INPP4B: variants seen among roughly 807,000 people sequenced by gnomAD.
The protein encoded by INPP4B is inositol polyphosphate-4-phosphatase type II B.
Under a neutral mutation model 122.5 loss-of-function variants are expected in INPP4B, and 55 were observed. That is an observed-to-expected ratio of 0.45 (90% CI 0.36 to 0.56). INPP4B has a LOEUF of 0.56. Among genes scored for constraint, INPP4B ranks in the 20% least tolerant of loss-of-function variants. The pLI is 0.00. For synonymous variants in INPP4B, 403 were observed against 388.7 expected, an observed-to-expected ratio of 1.04 and a Z score of -0.43; for missense variants, 1,000 against 1,097.7, an observed-to-expected ratio of 0.91 and a Z score of 1.26.
intron 11 of INPP4B, among the ~76,000 whole-genome samples, chr4:142,245,225 C>T (rs982282268): frequency 6.6e-6 from 1 of 152,144 alleles, no homozygotes; most frequent in African/African-American, 2.4e-5. Context: ...TTAATTAGAT[C>T]CCATTTGTCA....
chr4:142,063,847 C>G lies in INPP4B; in HGVS notation c.2642+18184G>C, dbSNP rs185456025. ...TTATGAAAAAACTAAATAAAGCATA[C>G]TGCAAAGAAATGTGACTTTCTTTTA... On this transcript the variant is annotated intron_variant, in intron 25 of 25. Transcript: ENST00000262992. Among the ~76,000 whole-genome samples the G allele has an allele frequency of 1.1e-4, 17 of 152,232 alleles. No homozygotes were observed. The East Asian group carries it at 2.7e-3, about 24-fold the overall frequency.
intron 7 of INPP4B, among the ~76,000 whole-genome samples, chr4:142,336,021 A>C (rs965294917): frequency 6.6e-6 from 1 of 152,208 alleles, no homozygotes; most frequent in Non-Finnish European, 1.5e-5. Flanking sequence ...TGGACCAATC[A>C]GCATGCATTC....
At chr4:142,090,376 C>G (rs1298769419) in intron 23 of INPP4B, among the ~76,000 whole-genome samples, 1 of 142,136 alleles carries the variant, frequency 7.0e-6, no homozygotes, top group Non-Finnish European at 1.5e-5. Flanking sequence ...CTCTATCAAC[C>G]CAATACTTGG....
At chr4:142,476,128 G>A (rs1819741947) in intron 2 of INPP4B, among the ~76,000 whole-genome samples, 1 of 152,228 alleles carries the variant, frequency 6.6e-6, no homozygotes, top group Non-Finnish European at 1.5e-5. Context: ...AACTCCATTA[G>A]GATAACAGCA....
At chr4:142,766,037 T>G (rs1772070978) in intron 1 of INPP4B, 1 of 152,126 alleles carries the variant, frequency 6.6e-6, no homozygotes, top group Admixed American at 6.6e-5. Flanking sequence ...TCAATATAAC[T>G]TATAGAACAG....
At chr4:142,632,011 C>T (rs936978521) in intron 2 of INPP4B, among the ~76,000 whole-genome samples, 5 of 152,086 alleles carry the variant, frequency 3.3e-5, no homozygotes, top group African/African-American at 4.8e-5. Context: ...TATATGTGCT[C>T]CAGCAAGACA....
intron 12 of INPP4B, among the ~76,000 whole-genome samples, chr4:142,215,142 C>A (rs1254755605): frequency 6.6e-6 from 1 of 152,088 alleles, no homozygotes; most frequent in Admixed American, 6.6e-5. Context: ...AGAGAATAAC[C>A]TGAAACCTCT....
intron 2 of INPP4B, among the ~76,000 whole-genome samples, chr4:142,585,261 T>C (rs1735919281): frequency 6.6e-6 from 1 of 152,180 alleles, no homozygotes; most frequent in African/African-American, 2.4e-5. Flanking sequence ...AACAAGATCT[T>C]TGTTTTGTTT....
At chr4:142,411,987 A>G (rs1231022645) in intron 5 of INPP4B, among the ~76,000 whole-genome samples, 3 of 152,158 alleles carry the variant, frequency 2.0e-5, no homozygotes, top group African/African-American at 7.2e-5. Flanking sequence ...CATTTCCCTA[A>G]GGATGTGCAA....
At chr4:142,126,622 G>T (rs1219072978) in intron 18 of INPP4B, among the ~76,000 whole-genome samples, 1 of 152,116 alleles carries the variant, frequency 6.6e-6, no homozygotes, top group African/African-American at 2.4e-5. Flanking sequence ...AAAGAGGAAT[G>T]CAACAGAGCC....
At chr4:142,583,778 A>C (rs1022962933) in intron 2 of INPP4B, among the ~76,000 whole-genome samples, 1 of 152,176 alleles carries the variant, frequency 6.6e-6, no homozygotes, top group African/African-American at 2.4e-5. Context: ...CTTATAAAGT[A>C]ACTTTCAATT....
intron 11 of INPP4B, among the ~76,000 whole-genome samples, chr4:142,241,230 AT>A (rs33987551): frequency 0.14 from 21,235 of 149,384 alleles, 1,820 homozygotes; most frequent in African/African-American, 0.24. Context: ...TCTCATCTTC[AT>A]TTTTTTTTTA....
intron 2 of INPP4B, among the ~76,000 whole-genome samples, chr4:142,479,703 G>A (rs1169072461): frequency 1.3e-5 from 2 of 152,080 alleles, no homozygotes; most frequent in Non-Finnish European, 2.9e-5. Flanking sequence ...GCGAACTAAT[G>A]CAGGAACAGA....
rs551513697 is a variant in INPP4B, at chr4:142,238,187, T to C, written c.689-176A>G. On this transcript the variant is annotated intron_variant, in intron 11 of 25. Transcript: ENST00000262992. Reference sequence around the variant, plus strand: ...GAATTTCTAAGAATTTTATTTTGATTAGTGTATCTGAATTTCTAAGAATTT... The same window carrying C: ...GAATTTCTAAGAATTTTATTTTGATCAGTGTATCTGAATTTCTAAGAATTT... Among the ~76,000 whole-genome samples, 17 of 152,134 alleles carry C rather than the reference T, an allele frequency of 1.1e-4. 1 individual carries two copies. In the South Asian group the frequency reaches 3.1e-3, roughly 28 times the overall value.
intron 25 of INPP4B, among the ~76,000 whole-genome samples, chr4:142,046,045 A>G (rs1751199184): frequency 7.4e-6 from 1 of 134,606 alleles, no homozygotes; most frequent in African/African-American, 2.5e-5. Flanking sequence ...TCAACACTTC[A>G]CCCTGCAACT....
intron 1 of INPP4B, among the ~76,000 whole-genome samples, chr4:142,806,806 A>AGAAAGAAG (rs1778886612): frequency 6.7e-6 from 1 of 148,198 alleles, no homozygotes; most frequent in Non-Finnish European, 1.5e-5. Flanking sequence ...AAAGAAAGAA[A>AGAAAGAAG]GAAAGAAAGA....
intron 11 of INPP4B, among the ~76,000 whole-genome samples, chr4:142,256,680 C>A (rs1199063381): frequency 1.3e-5 from 2 of 152,068 alleles, no homozygotes; most frequent in Non-Finnish European, 2.9e-5. Flanking sequence ...CTGAATAGAC[C>A]AATAACAGGC....
chr4:142,645,699 C>T (rs1050985250), intron 2 of INPP4B, among the ~76,000 whole-genome samples: 1 of 152,114 alleles, frequency 6.6e-6, no homozygotes, highest in Non-Finnish European at 1.5e-5. Context: ...GCCATTGGAA[C>T]GGTTATATCA....
intron 2 of INPP4B, among the ~76,000 whole-genome samples, chr4:142,545,836 TA>T (rs1580337287): frequency 2.8e-5 from 4 of 144,050 alleles, no homozygotes; most frequent in Admixed American, 1.4e-4. Context: ...TATATATATA[TA>T]AAATGGTCTG....
Sources: allele counts gnomAD v4.1 joint callset (sites outside exome capture counted in the v4.1 genomes callset), GRCh38; gene constraint gnomAD v4.1.1; transcripts MANE v1.5; gene names NCBI Gene and HGNC (gene_info 2026-07-23, HGNC 2026-07-21).